Variants in KAT6A observed in about 807,000 individuals in gnomAD.
KAT6A encodes the protein histone acetyltransferase KAT6A.
In KAT6A, 9 loss-of-function variants were observed where a neutral mutation model predicts 198.4. The ratio of observed to expected loss-of-function variants is 0.05; its 90% CI spans 0.03 to 0.08. The LOEUF (loss-of-function observed/expected upper bound fraction) is 0.08, where lower values mean the gene tolerates loss of function less well. Ranked by LOEUF, KAT6A falls within the 10% of genes least tolerant of loss-of-function variation. The pLI is 1.00. For synonymous variants in KAT6A, 890 were observed against 883.0 expected (o/e 1.01, Z -0.14); for missense variants, 2,077 against 2,509.9 (o/e 0.83, Z 3.69).
At chr8:41,954,954 T>A (rs1822851772) in intron 9 of KAT6A, among the ~76,000 whole-genome samples, 3 of 152,202 alleles carry the variant, frequency 2.0e-5, no homozygotes, top group African/African-American at 7.2e-5. Flanking sequence ...TGAAACTTTA[T>A]ATTAATTTAT....
chr8:41,951,020 T>C (rs1822644228), intron 9 of KAT6A, among the ~76,000 whole-genome samples: 1 of 152,034 alleles, frequency 6.6e-6, no homozygotes, highest in Non-Finnish European at 1.5e-5. Context: ...AGGCCAAAAA[T>C]GTTTAAAGCT....
rs1824319931 is a variant in KAT6A, at chr8:41,980,905, G to A, written c.848C>T (p.Ser283Leu). The A allele has an allele frequency of 1.2e-6, 2 of 1,612,752 alleles. No homozygotes were observed. Among genetic ancestry groups the A allele is most frequent in the Non-Finnish European group, 1.7e-6 (2 of 1,179,264 alleles). ...CTCCATGTGAAAACCTCGGTCACAT[G>A]AATCACAAAAGAGCATGTTATCCTA... The part of the protein sequence containing the change: ...KNADNMLFCD[S>L]CDRGFHMECC... The change falls in exon 5 of 17, where the codon TCA (serine) becomes TTA (leucine). Residue 283 changes from serine to leucine, a missense_variant. Ser to Leu is a moderately radical substitution (Grantham distance 145, BLOSUM62 -2). Transcript: ENST00000265713.
chr8:41,984,980 CAAAAA>C (rs1319003756), intron 3 of KAT6A, among the ~76,000 whole-genome samples: 1 of 93,470 alleles, frequency 1.1e-5, no homozygotes, highest in African/African-American at 3.9e-5. Context: ...GAGACTGTCT[CAAAAA>C]AAAAAAAAAA....
intron 2 of KAT6A, among the ~76,000 whole-genome samples, chr8:42,009,744 T>A (rs1247415285): frequency 2.0e-5 from 3 of 150,388 alleles, no homozygotes; most frequent in African/African-American, 7.3e-5. Flanking sequence ...ACAAAAAATT[T>A]TAAGTATTAG....
intron 16 of KAT6A, among the ~76,000 whole-genome samples, chr8:41,936,708 T>C (rs1042493722): frequency 6.6e-6 from 1 of 152,240 alleles, no homozygotes; most frequent in African/African-American, 2.4e-5. Context: ...AGAAATTTAC[T>C]ACTAGTTGGG....
chr8:41,948,401 G>T (rs1181039045), intron 10 of KAT6A, among the ~76,000 whole-genome samples: 1 of 152,060 alleles, frequency 6.6e-6, no homozygotes, highest in East Asian at 1.9e-4. Context: ...ACTACTTAAG[G>T]GGGTACTAAC....
At chr8:41,992,614 T>A (rs1339354837) in intron 2 of KAT6A, among the ~76,000 whole-genome samples, 2 of 152,164 alleles carry the variant, frequency 1.3e-5, no homozygotes, top group Non-Finnish European at 2.9e-5. Context: ...GACCTATGAA[T>A]GGCAGGTCAC....
chr8:41,936,310 T>A (rs1269858078), intron 16 of KAT6A, among the ~76,000 whole-genome samples: 1 of 152,112 alleles, frequency 6.6e-6, no homozygotes, highest in Non-Finnish European at 1.5e-5. Flanking sequence ...ATAGAAAATA[T>A]GAGAATGGAG....
At chr8:41,936,663 A>AT (rs1821870067) in intron 16 of KAT6A, among the ~76,000 whole-genome samples, 1 of 152,240 alleles carries the variant, frequency 6.6e-6, no homozygotes, top group Non-Finnish European at 1.5e-5. Flanking sequence ...TATCTATACT[A>AT]TAAAATTTAT....
rs1821695706 is a variant in KAT6A at position 41,933,843 on chromosome 8, G to A, written c.4377C>T (p.Tyr1459=). The A allele has an allele frequency of 1.2e-6, 2 of 1,614,010 alleles. No homozygotes were observed. The highest frequency in any genetic ancestry group is 3.3e-5 in the Admixed American group (2 of 60,008). The part of the protein sequence containing the change: ...TLAACQTLQS[Y]TQADEDPQMS... ...TCTGAGGGTCCTCGTCAGCCTGGGT[G>A]TAACTCTGCAGGGTCTGACACGCCG... The change falls in exon 17 of 17, where the codon TAC becomes TAT. Residue 1459 remains tyrosine (Y), a synonymous_variant. Coordinates refer to ENST00000265713, the MANE Select transcript of KAT6A (RefSeq NM_006766.5). This position sits in a 1 kb window ranked among gnomAD's most constrained non-coding sequence, Gnocchi z 6.2.
intron 2 of KAT6A, among the ~76,000 whole-genome samples, chr8:42,033,613 TGACTTCCTCTGAACA>T (rs1193100112): frequency 6.6e-6 from 1 of 152,170 alleles, no homozygotes; most frequent in African/African-American, 2.4e-5. Flanking sequence ...ACTTCACATG[TGACTTCCTCTGAACA>T]GACTTCCCTG....
chr8:41,956,281 A>C (rs1042121221), intron 8 of KAT6A, among the ~76,000 whole-genome samples: 16 of 152,184 alleles, frequency 1.1e-4, no homozygotes, highest in African/African-American at 3.4e-4. Flanking sequence ...ATACACACTC[A>C]TGTCCATGTG....
At chr8:41,956,582 C>CATTAGAA (rs1396890636) in intron 8 of KAT6A, among the ~76,000 whole-genome samples, 2 of 152,198 alleles carry the variant, frequency 1.3e-5, no homozygotes, top group Admixed American at 1.3e-4. Context: ...TAGAGACCTT[C>CATTAGAA]TGGTCTTTCT....
chr8:41,950,805 T>C (rs1822629922), intron 9 of KAT6A, among the ~76,000 whole-genome samples: 1 of 152,212 alleles, frequency 6.6e-6, no homozygotes, highest in Non-Finnish European at 1.5e-5. Context: ...GTTAGCTAGA[T>C]TTAGTCATAT....
At chr8:41,940,263 A>G (rs1822043579) in intron 15 of KAT6A, among the ~76,000 whole-genome samples, 1 of 152,230 alleles carries the variant, frequency 6.6e-6, no homozygotes, top group South Asian at 2.1e-4. Flanking sequence ...GGCTATCATT[A>G]TGATGGAATA....
At chr8:42,022,713 G>A (rs755552360) in intron 2 of KAT6A, among the ~76,000 whole-genome samples, 2 of 152,122 alleles carry the variant, frequency 1.3e-5, no homozygotes, top group Non-Finnish European at 2.9e-5. Context: ...TCCACTTCTA[G>A]GGACTTATAA....
intron 8 of KAT6A, among the ~76,000 whole-genome samples, chr8:41,964,584 G>C (rs894187324): frequency 2.1e-5 from 3 of 146,084 alleles, no homozygotes; most frequent in African/African-American, 7.6e-5. Context: ...TTGAATTCAG[G>C]ATGCTCGACG....
intron 8 of KAT6A, among the ~76,000 whole-genome samples, chr8:41,971,849 G>A (rs1044058889): frequency 6.6e-6 from 1 of 152,010 alleles, no homozygotes; most frequent in Admixed American, 6.6e-5. Flanking sequence ...TATTCTGAAG[G>A]CAGAACCATT....
Position 41,955,418 on chromosome 8 carries a change from A to G in KAT6A, c.1483-7T>C, listed in dbSNP as rs777124258. 3.8e-6 allele frequency: 6 copies of G among 1,566,914 alleles called. No individual in the cohort carries two copies. The South Asian group carries it at 5.6e-5, about 15-fold the overall frequency. On this transcript the variant is annotated splice_polypyrimidine_tract_variant and splice_region_variant and intron_variant, in intron 8 of 16. Coordinates refer to ENST00000265713, the MANE Select transcript of KAT6A (RefSeq NM_006766.5). ...GACCAGTCACTCCAACTTTCTGTGC[A>G]GTCAAGAAATACATTCAAAAGTTAG...
Sources: allele counts gnomAD v4.1 joint callset (sites outside exome capture counted in the v4.1 genomes callset), GRCh38; gene constraint gnomAD v4.1.1; non-coding constraint Gnocchi (gnomAD v3.1); transcripts MANE v1.5; gene names NCBI Gene and HGNC (gene_info 2026-07-23, HGNC 2026-07-21).